USP30: variants seen among roughly 807,000 people sequenced by gnomAD.
The protein encoded by USP30 is ubiquitin carboxyl-terminal hydrolase 30.
In USP30, 41 loss-of-function variants were observed where a neutral mutation model predicts 68.2. That is an observed-to-expected ratio of 0.60 (90% CI 0.47 to 0.78). The LOEUF is 0.78. Among genes scored for constraint, USP30 ranks in the 30% least tolerant of loss-of-function variants. The pLI is 0.00. For missense variants in USP30, 522 were observed against 649.4 expected (o/e 0.80, Z 2.13); for synonymous variants, 229 against 253.7 (o/e 0.90, Z 0.93).
At chr12:109,029,040 T>G (rs1297434379) in intron 3 of USP30, among the ~76,000 whole-genome samples, 3 of 152,212 alleles carry the variant, frequency 2.0e-5, no homozygotes, top group Non-Finnish European at 4.4e-5. Flanking sequence ...AGGGCATCTT[T>G]ACAACTCCTG....
At chr12:109,045,938 G>A (rs934059003) in intron 3 of USP30, among the ~76,000 whole-genome samples, 9 of 152,092 alleles carry the variant, frequency 5.9e-5, no homozygotes, top group Non-Finnish European at 7.4e-5. Context: ...GAGCCTTAAA[G>A]AATTGGCTCA....
At chr12:109,082,152 T>G (rs2041822671) in intron 9 of USP30, 133 bp downstream of exon 9, 1 of 950,176 alleles carries the variant, frequency 1.1e-6, no homozygotes, top group East Asian at 2.4e-5. Flanking sequence ...TCTCCCTAAT[T>G]TGGTTTGGAC....
chr12:109,051,879 C>T (rs1593231648), upstream of USP30, among the ~76,000 whole-genome samples: 1 of 152,090 alleles, frequency 6.6e-6, no homozygotes, highest in East Asian at 1.9e-4. Context: ...CTACCTCCTG[C>T]TTTTCACTTT....
intron 7 of USP30, among the ~76,000 whole-genome samples, chr12:109,080,978 A>C (rs983736112): frequency 1.3e-5 from 2 of 152,246 alleles, no homozygotes; most frequent in African/African-American, 4.8e-5. Context: ...CTCAGACTGT[A>C]TCCCCATTGT....
intron 3 of USP30, among the ~76,000 whole-genome samples, chr12:109,038,499 T>C (rs1431973035): frequency 6.6e-6 from 1 of 152,146 alleles, no homozygotes; most frequent in Admixed American, 6.5e-5. Flanking sequence ...TTTTTGCTAG[T>C]CTATCTTTTT....
upstream of USP30, among the ~76,000 whole-genome samples, chr12:109,049,429 A>G (rs1209113535): frequency 6.6e-6 from 1 of 152,188 alleles, no homozygotes; most frequent in Non-Finnish European, 1.5e-5. Flanking sequence ...TGGCTGGTTT[A>G]CCTGAATGCT....
chr12:109,073,962 G>T (rs2041520616), intron 7 of USP30, among the ~76,000 whole-genome samples: 1 of 151,950 alleles, frequency 6.6e-6, no homozygotes, highest in South Asian at 2.1e-4. Flanking sequence ...CTGACTCCGG[G>T]ATCAGTCAAC....
chr12:109,056,334 A>G (rs2040876510), intron 1 of USP30, among the ~76,000 whole-genome samples: 1 of 152,162 alleles, frequency 6.6e-6, no homozygotes, highest in African/African-American at 2.4e-5. Flanking sequence ...CTGGGATTAC[A>G]GGTGCACATC....
intron 7 of USP30, among the ~76,000 whole-genome samples, chr12:109,077,163 T>C (rs1459239989): frequency 6.6e-6 from 1 of 152,246 alleles, no homozygotes; most frequent in Non-Finnish European, 1.5e-5. Flanking sequence ...TATCTGTGTT[T>C]ATGAGGAATA....
intron 1 of USP30, chr12:109,053,917 C>T (rs899949350): frequency 4.5e-6 from 2 of 441,458 alleles, no homozygotes. Context: ...CCTGGGGAGA[C>T]AGACAGGCAT....
At chr12:109,071,589 A>T in intron 4 of USP30, 23 bp from the exon 5 acceptor site, 2 of 1,609,296 alleles carry the variant, frequency 1.2e-6, no homozygotes, top group Non-Finnish European at 1.7e-6. Flanking sequence ...AACCTCTCTA[A>T]AGAATGCTTT....
At chr12:109,023,182 T>C (rs1056408527) in intron 1 of USP30, 2 of 152,296 alleles carry the variant, frequency 1.3e-5, no homozygotes, top group African/African-American at 4.8e-5. Context: ...TTGCTTTAAT[T>C]ACCCCTTTTC....
intron 8 of USP30, 109 bp downstream of exon 8, chr12:109,081,502 T>C: frequency 8.8e-7 from 1 of 1,136,576 alleles, no homozygotes; most frequent in Non-Finnish European, 1.3e-6. Flanking sequence ...TTCAGATACA[T>C]GGTTGGTTGA....
chr12:109,057,451 G>C (rs1177916079), intron 2 of USP30, among the ~76,000 whole-genome samples: 2 of 152,206 alleles, frequency 1.3e-5, no homozygotes, highest in African/African-American at 4.8e-5. Context: ...CAGAAAGACT[G>C]ATCAGAATTG....
intron 3 of USP30, among the ~76,000 whole-genome samples, chr12:109,066,247 CAAAAAAAAAA>C (rs35466141): frequency 2.1e-5 from 2 of 96,044 alleles, no homozygotes; most frequent in Admixed American, 2.2e-4. Context: ...GACCCTGTCT[CAAAAAAAAAA>C]AAAAAAAAAG....
intron 3 of USP30, among the ~76,000 whole-genome samples, chr12:109,032,621 G>A (rs1187406103): frequency 6.6e-6 from 1 of 152,226 alleles, no homozygotes; most frequent in African/African-American, 2.4e-5. Flanking sequence ...GAGACAGAGA[G>A]TAGATCAGTG....
At chr12:109,038,335 T>G (rs2040537073) in intron 3 of USP30, among the ~76,000 whole-genome samples, 1 of 152,096 alleles carries the variant, frequency 6.6e-6, no homozygotes, top group South Asian at 2.1e-4. Context: ...GGACATAATC[T>G]CATTCATTTT....
intron 11 of USP30, 25 bp downstream of exon 11, chr12:109,083,087 C>T (rs746248311): frequency 1.3e-6 from 2 of 1,561,892 alleles, no homozygotes; most frequent in South Asian, 2.4e-5. Context: ...GGAGCCGATG[C>T]AGCAGGAATT....
chr12:109,077,557 C>T (rs756373445), intron 7 of USP30, among the ~76,000 whole-genome samples: 1 of 152,070 alleles, frequency 6.6e-6, no homozygotes, highest in Non-Finnish European at 1.5e-5. Context: ...TAAAGTGTGA[C>T]TTTGTGGACA....
Sources: gnomAD v4.1 joint callset for allele counts (sites outside exome capture counted in the v4.1 genomes callset) on GRCh38, gnomAD v4.1.1 for gene constraint, MANE v1.5 for transcripts, NCBI Gene and HGNC (gene_info 2026-07-23, HGNC 2026-07-21) for gene names.